Variants in NRXN1 observed in about 807,000 individuals in gnomAD.
NRXN1 encodes the protein neurexin-1.
NRXN1 carries 39 observed loss-of-function variants against 150.9 expected under a neutral mutation model. That is an observed-to-expected ratio of 0.26 (90% CI 0.20 to 0.34). The LOEUF (loss-of-function observed/expected upper bound fraction) is 0.34, where lower values mean the gene tolerates loss of function less well. Ranked by LOEUF, NRXN1 falls within the 10% of genes least tolerant of loss-of-function variation. The pLI is 1.00. For missense variants in NRXN1, 1,815 were observed against 1,949.9 expected, an observed-to-expected ratio of 0.93 and a Z score of 1.30; for synonymous variants, 924 against 757.0, an observed-to-expected ratio of 1.22 and a Z score of -3.62.
intron 17 of NRXN1, among the ~76,000 whole-genome samples, chr2:50,252,145 T>C (rs1421786835): frequency 6.6e-6 from 1 of 151,608 alleles, no homozygotes; most frequent in Non-Finnish European, 1.5e-5. Context: ...TAGATTTTCT[T>C]CTAGGGTTTT....
intron 2 of NRXN1, among the ~76,000 whole-genome samples, chr2:50,932,135 C>T (rs1397015919): frequency 2.0e-5 from 3 of 152,086 alleles, no homozygotes; most frequent in Non-Finnish European, 4.4e-5. Flanking sequence ...CACCTGTAAT[C>T]CCAGTACTTT....
At chr2:50,676,584 C>G (rs1277982117) in intron 5 of NRXN1, among the ~76,000 whole-genome samples, 1 of 152,050 alleles carries the variant, frequency 6.6e-6, no homozygotes, top group Non-Finnish European at 1.5e-5. Context: ...AAATATAAAA[C>G]GATAATACAT....
At chr2:50,115,240 TACACACACACAC>T (rs1215349485) in intron 18 of NRXN1, among the ~76,000 whole-genome samples, 1 of 133,962 alleles carries the variant, frequency 7.5e-6, no homozygotes, top group Non-Finnish European at 1.6e-5. Flanking sequence ...TATATATATA[TACACACACACAC>T]ATATATATAA....
chr2:50,635,419 C>T (rs1051755754), intron 5 of NRXN1, among the ~76,000 whole-genome samples: 31 of 151,670 alleles, frequency 2.0e-4, no homozygotes, highest in Non-Finnish European at 1.6e-4. Context: ...GTGATCTGCC[C>T]GCCTCGGCCT....
Position 50,258,616 on chromosome 2 carries a change from T to C in NRXN1, c.3365-21646A>G, listed in dbSNP as rs142383891. Among the ~76,000 whole-genome samples, 17 of 152,148 alleles carry C rather than the reference T, an allele frequency of 1.1e-4. No individual in the cohort carries two copies. In the East Asian group the frequency reaches 3.1e-3, roughly 28 times the overall value. ...CCTATTAGCACTGATATTTTTACCGTCTTCCCTGAGTCACAGATGTTCTTA... is the reference window on the plus strand; with the variant it reads ...CCTATTAGCACTGATATTTTTACCGCCTTCCCTGAGTCACAGATGTTCTTA... On this transcript the variant is annotated intron_variant, in intron 17 of 22. Transcript: ENST00000401669.
intron 2 of NRXN1, among the ~76,000 whole-genome samples, chr2:50,949,829 C>G (rs1038911891): frequency 1.3e-5 from 2 of 152,048 alleles, no homozygotes; most frequent in African/African-American, 4.8e-5. Context: ...TAGATATTCC[C>G]ACAGATGAGT....
intron 17 of NRXN1, among the ~76,000 whole-genome samples, chr2:50,353,823 T>C (rs1342810563): frequency 6.6e-6 from 1 of 152,162 alleles, no homozygotes; most frequent in East Asian, 1.9e-4. Flanking sequence ...TCTCTAAATC[T>C]GTGTTGCTCA....
At chr2:50,735,138 G>A (rs905903395) in intron 5 of NRXN1, among the ~76,000 whole-genome samples, 7 of 152,030 alleles carry the variant, frequency 4.6e-5, no homozygotes, top group Non-Finnish European at 7.4e-5. Flanking sequence ...AGAGCTAATA[G>A]GCCTTTCGTT....
rs77498168 is a variant in NRXN1 at position 50,149,314 on chromosome 2, T to G, written c.3547-57820A>C. Among the ~76,000 whole-genome samples the G allele has an allele frequency of 2.3e-3, 346 of 151,838 alleles. 13 individuals carry two copies. The East Asian group carries it at 0.054, about 24-fold the overall frequency. On this transcript the variant is annotated intron_variant, in intron 18 of 22. Coordinates refer to ENST00000401669, the MANE Select transcript of NRXN1 (RefSeq NM_001330078.2). Reference sequence around the variant, plus strand: ...AAAAAGACAAAGGGTGGCCATTTTGTTAAAGTTTTACCATCCAAGAAAGTG... The same window carrying G: ...AAAAAGACAAAGGGTGGCCATTTTGGTAAAGTTTTACCATCCAAGAAAGTG...
Position 49,996,388 on chromosome 2 carries a change from C to G in NRXN1, c.4129-52597G>C, listed in dbSNP as rs147998729. Among the ~76,000 whole-genome samples the G allele has an allele frequency of 3.6e-3, 555 of 152,194 alleles. 5 individuals are homozygous for G. Among genetic ancestry groups the G allele is most frequent in the African/African-American group, 0.012 (510 of 41,540 alleles). On this transcript the variant is annotated intron_variant, in intron 21 of 22. Transcript: ENST00000401669. ...CACAAATCATTCAGTTTACCTGAAT[C>G]AAGAGGAGGACAGGAATGGAAAGGA...
intron 5 of NRXN1, among the ~76,000 whole-genome samples, chr2:50,749,297 C>T (rs1417793578): frequency 6.6e-6 from 1 of 152,084 alleles, no homozygotes; most frequent in Non-Finnish European, 1.5e-5. Context: ...ATAATCTATT[C>T]TGCATTGTTC....
At chr2:49,979,700 A>C (rs1679642258) in intron 21 of NRXN1, among the ~76,000 whole-genome samples, 1 of 152,146 alleles carries the variant, frequency 6.6e-6, no homozygotes, top group African/African-American at 2.4e-5. Context: ...GGAAAAATAG[A>C]AGTGGTGGAA....
intron 17 of NRXN1, among the ~76,000 whole-genome samples, chr2:50,439,272 T>C (rs773159079): frequency 6.6e-6 from 1 of 152,180 alleles, no homozygotes; most frequent in Non-Finnish European, 1.5e-5. Context: ...CCCTGAAAAG[T>C]TGTCACATAC....
chr2:50,905,396 G>C (rs1683527420), intron 5 of NRXN1, among the ~76,000 whole-genome samples: 2 of 152,138 alleles, frequency 1.3e-5, no homozygotes, highest in Admixed American at 1.3e-4. Flanking sequence ...AGGGCACACA[G>C]TAGGGAGTAA....
chr2:50,251,917 T>C (rs939032035), intron 17 of NRXN1, among the ~76,000 whole-genome samples: 3 of 152,204 alleles, frequency 2.0e-5, no homozygotes, highest in African/African-American at 7.2e-5. Context: ...AGGTTCCTTG[T>C]AGATTCTGGA....
chr2:50,591,823 C>A (rs1186899064), intron 8 of NRXN1, among the ~76,000 whole-genome samples: 1 of 152,210 alleles, frequency 6.6e-6, no homozygotes, highest in African/African-American at 2.4e-5. Flanking sequence ...AAGTTAGGCG[C>A]CCTTCAGCGA....
intron 18 of NRXN1, among the ~76,000 whole-genome samples, chr2:50,230,606 C>A (rs1233979501): frequency 6.6e-6 from 1 of 151,838 alleles, no homozygotes; most frequent in Non-Finnish European, 1.5e-5. Context: ...AGTATGTGAA[C>A]CGAGAAGAAG....
intron 19 of NRXN1, among the ~76,000 whole-genome samples, chr2:50,084,001 G>C (rs2152687654): frequency 6.6e-6 from 1 of 152,254 alleles, no homozygotes; most frequent in East Asian, 1.9e-4. Context: ...CAATCCCTTA[G>C]CTAGACATAA....
intron 18 of NRXN1, among the ~76,000 whole-genome samples, chr2:50,211,671 T>C (rs1031544540): frequency 6.6e-6 from 1 of 151,400 alleles, no homozygotes. Flanking sequence ...GGAAATATCG[T>C]CATAATGAAG....
Sources: allele counts gnomAD v4.1 joint callset (sites outside exome capture counted in the v4.1 genomes callset), GRCh38; gene constraint gnomAD v4.1.1; transcripts MANE v1.5; gene names NCBI Gene and HGNC (gene_info 2026-07-23, HGNC 2026-07-21).